GABBR1: variants seen among roughly 807,000 people sequenced by gnomAD.
The protein encoded by GABBR1 is gamma-aminobutyric acid type B receptor subunit 1.
Under a neutral mutation model 117.7 loss-of-function variants are expected in GABBR1, and 35 were observed. The observed-to-expected ratio is 0.30, with a 90% CI of 0.23 to 0.39. The LOEUF is 0.39. Among genes scored for constraint, GABBR1 ranks in the 10% least tolerant of loss-of-function variants. GABBR1 has a pLI of 1.00. For missense variants in GABBR1, 709 were observed against 1,241.8 expected, an observed-to-expected ratio of 0.57 and a Z score of 6.45; for synonymous variants, 442 against 486.6, an observed-to-expected ratio of 0.91 and a Z score of 1.21.
chr6:29,609,493 G>T lies in GABBR1; in HGVS notation c.1709-114C>A. The T allele has an allele frequency of 1.2e-6, 1 of 868,186 alleles. No homozygotes were observed. Among genetic ancestry groups the T allele is most frequent in the Non-Finnish European group, 1.8e-6 (1 of 555,102 alleles). 53.8% of individuals were successfully genotyped at this position (868,186 alleles called of 1,614,324 possible). A position where few individuals can be genotyped will look rare whatever the true frequency, so the allele number is the denominator to read the frequency against. ...GAACTAGATTGCTGATGGACATTCA[G>T]TCATTGGCTGGGGACATGAGGCCCT... is the stretch of plus-strand genomic sequence containing the variant. On this transcript the variant is annotated intron_variant, in intron 14 of 22. Transcript: ENST00000377034. This position sits in a 1 kb window ranked among gnomAD's most constrained non-coding sequence, Gnocchi z 4.3.
At chr6:29,616,162 T>C (rs1174330597) in intron 11 of GABBR1, among the ~76,000 whole-genome samples, 2 of 151,676 alleles carry the variant, frequency 1.3e-5, no homozygotes, top group Non-Finnish European at 2.9e-5. Flanking sequence ...GATCGCGCCA[T>C]TGCACTCAAG....
At position 29,613,234 on chromosome 6, in the gene GABBR1, T is replaced by A; in HGVS notation, c.1566+9A>T. 2 of 1,611,270 alleles carry A rather than the reference T, an allele frequency of 1.2e-6. No homozygotes were observed. The highest frequency in any genetic ancestry group is 1.7e-6 in the Non-Finnish European group (2 of 1,178,518). Reference sequence around the variant, plus strand: ...AAGACAGGGGAGTATGAAGGAAGTTTTAACTCACAGAGACACCCTCAAAGG... The same window carrying A: ...AAGACAGGGGAGTATGAAGGAAGTTATAACTCACAGAGACACCCTCAAAGG... On this transcript the variant is annotated intron_variant, in intron 12 of 22. Coordinates refer to ENST00000377034, the MANE Select transcript of GABBR1 (RefSeq NM_001470.4). This position sits in a 1 kb window ranked among gnomAD's most constrained non-coding sequence, Gnocchi z 4.1.
chr6:29,626,999 C>G (rs1444123122), intron 6 of GABBR1, among the ~76,000 whole-genome samples: 3 of 152,072 alleles, frequency 2.0e-5, no homozygotes, highest in Non-Finnish European at 4.4e-5. Context: ...CTAGAGCTCT[C>G]AAGTCTCTCA....
At chr6:29,603,990 G>C (rs1761686713) in intron 22 of GABBR1, among the ~76,000 whole-genome samples, 1 of 152,034 alleles carries the variant, frequency 6.6e-6, no homozygotes, top group African/African-American at 2.4e-5. Context: ...GGAGAGAAAA[G>C]TCAGTGCACA....
rs774092518 is a variant in GABBR1, at chr6:29,621,176, A to T, written c.1248T>A (p.Thr416=). Residue 416 remains threonine, a synonymous_variant, in exon 11 of 23, where the codon ACT becomes ACA. Coordinates refer to ENST00000377034, the MANE Select transcript of GABBR1 (RefSeq NM_001470.4). This position sits in a 1 kb window ranked among gnomAD's most constrained non-coding sequence, Gnocchi z 5.0. ...TTGTGATGTGGCCCTCCACCGCCTC[A>T]GTCATCTCATCCACTGTGCAGTTGA... The part of the protein sequence containing the change: ...PSINCTVDEM[T]EAVEGHITTE... 97 of 1,612,928 alleles carry T rather than the reference A, an allele frequency of 6.0e-5. No homozygotes were observed. Among genetic ancestry groups the T allele is most frequent in the Non-Finnish European group, 8.1e-5 (96 of 1,180,030 alleles).
chr6:29,618,752 C>A (rs60752649), intron 11 of GABBR1, among the ~76,000 whole-genome samples: 1 of 152,196 alleles, frequency 6.6e-6, no homozygotes, highest in Non-Finnish European at 1.5e-5. Flanking sequence ...AAGATGTTTT[C>A]TCTAAACTAG....
At chr6:29,618,214 C>G (rs1435087261) in intron 11 of GABBR1, among the ~76,000 whole-genome samples, 1 of 152,164 alleles carries the variant, frequency 6.6e-6, no homozygotes, top group East Asian at 1.9e-4. Flanking sequence ...AAAAATCACC[C>G]AGAAAGAAAG....
Position 29,603,652 on chromosome 6 carries a change from C to A in GABBR1, c.2777G>T (p.Arg926Leu). The A allele has an allele frequency of 6.6e-7, 1 of 1,517,266 alleles. No homozygotes were observed. The highest frequency in any genetic ancestry group is 8.8e-7 in the Non-Finnish European group (1 of 1,136,908). 94.0% of individuals were successfully genotyped at this position (1,517,266 alleles called of 1,614,324 possible). Residue 926 changes from arginine to leucine, a missense_variant, in exon 23 of 23, where the codon CGC (arginine) becomes CTC (leucine). Transcript: ENST00000377034. The part of the protein sequence containing the change: ...LQSRQQLRSR[R>L]HPPTPPEPSG... Reference sequence around the variant, plus strand: ...GGGTTCTGGGGGTGTCGGTGGGTGGCGCCGGGAGCGGAGCTGCTGCCGAGA... The same window carrying A: ...GGGTTCTGGGGGTGTCGGTGGGTGGAGCCGGGAGCGGAGCTGCTGCCGAGA...
At position 29,606,412 on chromosome 6, in the gene GABBR1, T is replaced by C. The variant is rs1315449303; in HGVS notation, c.2290A>G (p.Arg764Gly). ...ILPQLEHCSSRKMNTWLGIFY... is the reference protein window; with the variant it reads ...ILPQLEHCSSGKMNTWLGIFY... Reference sequence around the variant, plus strand: ...ACACCAAGCCATGTATTCATCTTCCTGGAGCTGCAATGCTCCAGCTGGGGC... The same window carrying C: ...ACACCAAGCCATGTATTCATCTTCCCGGAGCTGCAATGCTCCAGCTGGGGC... Residue 764 changes from arginine to glycine, a missense_variant, in exon 19 of 23, where the codon AGG (arginine) becomes GGG (glycine). Arg to Gly is a moderately radical substitution (Grantham distance 125). Around this residue, in one of 9 missense-constraint regions of GABBR1, gnomAD observed 251 missense variants for 445.3 expected, o/e 0.56. Coordinates refer to ENST00000377034, the MANE Select transcript of GABBR1 (RefSeq NM_001470.4). This position sits in a 1 kb window ranked among gnomAD's most constrained non-coding sequence, Gnocchi z 4.5. The C allele has an allele frequency of 6.2e-7, 1 of 1,612,482 alleles. No homozygotes were observed. The highest frequency in any genetic ancestry group is 8.5e-7 in the Non-Finnish European group (1 of 1,179,358).
rs1762582080 is a variant in GABBR1 at position 29,611,942 on chromosome 6, C to T, written c.1630+609G>A. 6.6e-6 allele frequency among the ~76,000 whole-genome samples: 1 copy of T among 152,128 alleles called. No individual in the cohort carries two copies. The highest frequency in any genetic ancestry group is 6.6e-5 in the Admixed American group (1 of 15,264). ...AACCCAAGCCACTCAAGGGGAAATT[C>T]CTGAAATTAATGGAAGCCACTGGGA... On this transcript the variant is annotated intron_variant, in intron 13 of 22. Coordinates refer to ENST00000377034, the MANE Select transcript of GABBR1 (RefSeq NM_001470.4). This position sits in a 1 kb window ranked among gnomAD's most constrained non-coding sequence, Gnocchi z 4.6.
rs1173906551 is a variant in GABBR1 at position 29,623,530 on chromosome 6, G to T, written c.793-55C>A. 9.0e-6 allele frequency: 14 copies of T among 1,548,400 alleles called. No individual in the cohort carries two copies. The South Asian group carries it at 1.6e-4, about 18-fold the overall frequency. On this transcript the variant is annotated intron_variant, in intron 7 of 22. Coordinates refer to ENST00000377034, the MANE Select transcript of GABBR1 (RefSeq NM_001470.4). The surrounding 1 kb of genome is among the most constrained non-coding windows in gnomAD (Gnocchi z 6.2). ...GGTCTGTTCACTGAGGACACCAAGA[G>T]TGGCCAAGAGTTCCTTTAACCCTCT...
At position 29,632,512 on chromosome 6, in the gene GABBR1, CGCCCCGCGGAGGAGGCGGGGGCGGA is replaced by C; in HGVS notation, c.1-152_1-128del. 1.3e-5 allele frequency: 13 copies of C among 972,044 alleles called. No homozygotes were observed. The highest frequency in any genetic ancestry group is 1.7e-5 in the Non-Finnish European group (12 of 706,152). 60.2% of individuals were successfully genotyped at this position (972,044 alleles called of 1,614,324 possible). ...GGGCTCAGCCTGGGGACCAAGAGAG[CGCCCCGCGGAGGAGGCGGGGGCGGA>C]GCCCCGCGCGGGGTGGGGGGAGAGG... On this transcript the variant is annotated intron_variant, in intron 1 of 22. Coordinates refer to ENST00000377034, the MANE Select transcript of GABBR1 (RefSeq NM_001470.4). This position sits in a 1 kb window ranked among gnomAD's most constrained non-coding sequence, Gnocchi z 5.8.
rs973849895 is a variant in GABBR1, at chr6:29,632,909, G to C, written c.-60C>G. 2 of 219,582 alleles carry C rather than the reference G, an allele frequency of 9.1e-6. No homozygotes were observed. The highest frequency in any genetic ancestry group is 4.8e-5 in the African/African-American group (2 of 41,356). 13.6% of individuals were successfully genotyped at this position (219,582 alleles called of 1,614,324 possible). Reference sequence around the variant, plus strand: ...GGGCCTCAAGGCCCCAGGCCCGGCCGCTCCTCCCCGCTCCCCCCTCCCTTC... The same window carrying C: ...GGGCCTCAAGGCCCCAGGCCCGGCCCCTCCTCCCCGCTCCCCCCTCCCTTC... On this transcript the variant is annotated 5_prime_UTR_variant, in exon 1 of 23. Coordinates refer to ENST00000377034, the MANE Select transcript of GABBR1 (RefSeq NM_001470.4). This position sits in a 1 kb window ranked among gnomAD's most constrained non-coding sequence, Gnocchi z 5.8.
Position 29,622,175 on chromosome 6 carries a change from C to G in GABBR1, c.994G>C (p.Glu332Gln), listed in dbSNP as rs1168890176. The change falls in exon 9 of 23, where the codon GAG (glutamate) becomes CAG (glutamine). Residue 332 changes from glutamate (E) to glutamine (Q), a missense_variant. Coordinates refer to ENST00000377034, the MANE Select transcript of GABBR1 (RefSeq NM_001470.4). The surrounding 1 kb of genome is among the most constrained non-coding windows in gnomAD (Gnocchi z 4.6). ...CGGAAAGTAATCTCAATTCCAGCCT[C>G]CTTCACTCGTTCCTCCAGGTCGTCC... ...TLDDLEERVK[E>Q]AGIEITFRQS... The G allele has an allele frequency of 1.9e-6, 3 of 1,614,138 alleles. No homozygotes were observed. The Admixed American group carries it at 5.0e-5, about 27-fold the overall frequency.
chr6:29,623,389 G>C lies in GABBR1; in HGVS notation c.879C>G (p.His293Gln). ...FFRTHPSATLHNPTRVKLFEK... is the reference protein window; with the variant it reads ...FFRTHPSATLQNPTRVKLFEK... ...CAAAGAGTTTCACGCGGGTAGGGTT[G>C]TGGAGTGTGGCTGATGGGTGCGTTC... The change falls in exon 8 of 23, where the codon CAC becomes CAG. Residue 293 changes from histidine (H) to glutamine (Q), a missense_variant. Physicochemically the swap from His to Gln is conservative, Grantham distance 24 (BLOSUM62 0). Coordinates refer to ENST00000377034, the MANE Select transcript of GABBR1 (RefSeq NM_001470.4). This position sits in a 1 kb window ranked among gnomAD's most constrained non-coding sequence, Gnocchi z 6.2. 6.2e-7 allele frequency: 1 copy of C among 1,614,160 alleles called. No individual in the cohort carries two copies. Among genetic ancestry groups the C allele is most frequent in the Non-Finnish European group, 8.5e-7 (1 of 1,180,024 alleles).
Position 29,606,835 on chromosome 6 carries a change from G to A in GABBR1, c.2217+62C>T. ...CCCTCAAGACACACACAGCCCCAGGGCCCTGATGGCCACTGAGCCCTGCTC... is the reference window on the plus strand; with the variant it reads ...CCCTCAAGACACACACAGCCCCAGGACCCTGATGGCCACTGAGCCCTGCTC... On this transcript the variant is annotated intron_variant, in intron 18 of 22. Coordinates refer to ENST00000377034, the MANE Select transcript of GABBR1 (RefSeq NM_001470.4). This position sits in a 1 kb window ranked among gnomAD's most constrained non-coding sequence, Gnocchi z 4.5. 2 of 1,371,394 alleles carry A rather than the reference G, an allele frequency of 1.5e-6. No individual in the cohort carries two copies. The highest frequency in any genetic ancestry group is 2.1e-6 in the Non-Finnish European group (2 of 963,812). 85.0% of individuals were successfully genotyped at this position (1,371,394 alleles called of 1,614,324 possible).
Position 29,611,109 on chromosome 6 carries a change from A to G in GABBR1, c.1631-108T>C. On this transcript the variant is annotated intron_variant, in intron 13 of 22. Coordinates refer to ENST00000377034, the MANE Select transcript of GABBR1 (RefSeq NM_001470.4). This position sits in a 1 kb window ranked among gnomAD's most constrained non-coding sequence, Gnocchi z 4.6. ...GCTTTGCATGGTTGTATCTGATTTT[A>G]TTTTCACCTGAGGCCCTAAGGATGC... 1.2e-6 allele frequency: 1 copy of G among 846,186 alleles called. No individual in the cohort carries two copies. Among genetic ancestry groups the G allele is most frequent in the Non-Finnish European group, 1.9e-6 (1 of 520,346 alleles). 52.4% of individuals were successfully genotyped at this position (846,186 alleles called of 1,614,324 possible). A position where few individuals can be genotyped will look rare whatever the true frequency, so the allele number is the denominator to read the frequency against.
chr6:29,608,632 A>G lies in GABBR1; in HGVS notation c.1961T>C (p.Ile654Thr). 1.2e-6 allele frequency: 2 copies of G among 1,613,012 alleles called. No individual in the cohort carries two copies. The highest frequency in any genetic ancestry group is 1.1e-5 in the South Asian group (1 of 91,066). The change falls in exon 16 of 23, where the codon ATT (isoleucine) becomes ACT (threonine). Residue 654 changes from isoleucine to threonine, a missense_variant. Ile to Thr is a moderately conservative substitution (Grantham distance 89, BLOSUM62 -1). This residue lies in a region of GABBR1 where 251 missense variants were observed against 445.3 expected (regional missense o/e 0.56). Coordinates refer to ENST00000377034, the MANE Select transcript of GABBR1 (RefSeq NM_001470.4). ...VFPLGLDGYH[I>T]GRNQFPFVCQ... ...GACGAAAGGAAACTGGTTCCTCCCA[A>G]TGTGGTAACCATCGAGCCCCAGGGG...
chr6:29,602,966 A>G lies in GABBR1; in HGVS notation c.*577T>C, dbSNP rs1374259408. ...GGAGGATGCATGTGTGCTGAGCGTG[A>G]GTGCACAGAGCAGAGGCAAGGAGCA... is the stretch of plus-strand genomic sequence containing the variant. On this transcript the variant is annotated 3_prime_UTR_variant, in exon 23 of 23. Coordinates refer to ENST00000377034, the MANE Select transcript of GABBR1 (RefSeq NM_001470.4). The G allele has an allele frequency of 2.2e-6, 1 of 456,196 alleles. No homozygotes were observed. Among genetic ancestry groups the G allele is most frequent in the Non-Finnish European group, 4.4e-6 (1 of 226,758 alleles). The allele number at this position is 456,196 out of a possible 1,614,324, so 28.3% of individuals were successfully genotyped here.
Sources: allele counts gnomAD v4.1 joint callset (sites outside exome capture counted in the v4.1 genomes callset), GRCh38; gene constraint gnomAD v4.1.1; regional missense constraint gnomAD v4.1.1; non-coding constraint Gnocchi (gnomAD v3.1); transcripts MANE v1.5; gene names NCBI Gene and HGNC (gene_info 2026-07-23, HGNC 2026-07-21).